SMAP1: variants seen among roughly 807,000 people sequenced by gnomAD.
SMAP1 encodes the protein stromal membrane-associated protein 1.
SMAP1 carries 24 observed loss-of-function variants against 58.5 expected under a neutral mutation model. The observed-to-expected ratio is 0.41, with a 90% CI of 0.30 to 0.58. The LOEUF is 0.58. SMAP1 is among the 20% of genes least tolerant of loss of function. The pLI is 0.29. For missense variants in SMAP1, 563 were observed against 566.3 expected, an observed-to-expected ratio of 0.99 and a Z score of 0.06; for synonymous variants, 216 against 196.6, an observed-to-expected ratio of 1.10 and a Z score of -0.82.
chr6:70,857,860 T>G (rs370022108), intron 9 of SMAP1, 62 bp from the exon 10 acceptor site: 7 of 1,557,118 alleles, frequency 4.5e-6, no homozygotes, highest in Non-Finnish European at 6.1e-6. Flanking sequence ...TCTGTGATTA[T>G]AGAGATGAGT....
At chr6:70,776,855 T>G (rs1056089837) in intron 4 of SMAP1, among the ~76,000 whole-genome samples, 3 of 152,336 alleles carry the variant, frequency 2.0e-5, no homozygotes, top group Middle Eastern at 3.4e-3. Flanking sequence ...TATTCCATTG[T>G]GTATATATAT....
At chr6:70,750,697 G>A (rs1766238165) in intron 2 of SMAP1, among the ~76,000 whole-genome samples, 1 of 152,092 alleles carries the variant, frequency 6.6e-6, no homozygotes, top group East Asian at 1.9e-4. Context: ...AGATTATGTG[G>A]GGAAACTAAA....
chr6:70,788,758 G>A (rs1369261190), intron 4 of SMAP1, among the ~76,000 whole-genome samples: 1 of 152,108 alleles, frequency 6.6e-6, no homozygotes, highest in Admixed American at 6.6e-5. Flanking sequence ...AGGGGGATAA[G>A]GTAGAGATGA....
At position 70,770,394 on chromosome 6, in the gene SMAP1, C is replaced by T. The variant is rs547203650; in HGVS notation, c.339-2956C>T. Among the ~76,000 whole-genome samples, 6 of 152,330 alleles carry T rather than the reference C, an allele frequency of 3.9e-5. No homozygotes were observed. The East Asian group carries it at 9.6e-4, about 24-fold the overall frequency. ...GTCACTTTCAGGTAGATCAATCAGA[C>T]ATAGATTTCGTCTTTTCACATAGTC... On this transcript the variant is annotated intron_variant, in intron 3 of 10. Transcript: ENST00000370455.
At chr6:70,784,563 A>G (rs1212189599) in intron 4 of SMAP1, among the ~76,000 whole-genome samples, 2 of 152,206 alleles carry the variant, frequency 1.3e-5, no homozygotes, top group East Asian at 1.9e-4. Flanking sequence ...AACCCATCTC[A>G]CATGCAGAGA....
intron 6 of SMAP1, among the ~76,000 whole-genome samples, chr6:70,827,961 G>T (rs1770203825): frequency 6.6e-6 from 1 of 152,066 alleles, no homozygotes; most frequent in Non-Finnish European, 1.5e-5. Context: ...ATATTATAAA[G>T]AATGGTAAAC....
At chr6:70,754,781 G>A (rs1039403587) in intron 2 of SMAP1, among the ~76,000 whole-genome samples, 199 bp from the exon 3 acceptor site, 6 of 152,038 alleles carry the variant, frequency 3.9e-5, no homozygotes, top group African/African-American at 1.4e-4. Flanking sequence ...GTTGATAAAT[G>A]TGAAGGATTA....
intron 2 of SMAP1, among the ~76,000 whole-genome samples, chr6:70,750,756 G>A (rs1766240770): frequency 6.6e-6 from 1 of 152,120 alleles, no homozygotes; most frequent in Non-Finnish European, 1.5e-5. Flanking sequence ...TAATAGTAAG[G>A]TTTAGGATTC....
intron 4 of SMAP1, among the ~76,000 whole-genome samples, chr6:70,788,409 C>G (rs1006004846): frequency 2.6e-5 from 4 of 151,618 alleles, no homozygotes; most frequent in African/African-American, 9.7e-5. Flanking sequence ...ATGTAACAAA[C>G]CTGCACATTG....
chr6:70,677,788 G>A (rs911574377), intron 1 of SMAP1, among the ~76,000 whole-genome samples: 1 of 152,042 alleles, frequency 6.6e-6, no homozygotes, highest in Non-Finnish European at 1.5e-5. Flanking sequence ...AATTTACCTA[G>A]TATTATCTTT....
intron 1 of SMAP1, among the ~76,000 whole-genome samples, chr6:70,691,730 A>G (rs572364320): frequency 1.3e-5 from 2 of 152,274 alleles, no homozygotes; most frequent in South Asian, 2.1e-4. Context: ...TCTGTGCCTG[A>G]CATTTCACTT....
intron 9 of SMAP1, 126 bp downstream of exon 9, chr6:70,857,156 T>TACA: frequency 1.0e-6 from 1 of 954,252 alleles, no homozygotes; most frequent in Non-Finnish European, 1.4e-6. Context: ...TTGCAGTTTA[T>TACA]ACAACTATGA....
chr6:70,837,024 A>G lies in SMAP1; in HGVS notation c.660A>G (p.Gly220=). The part of the protein sequence containing the change: ...KAAEPTVDLL[G]LDGPAVAPVT... ...CGGAGCCCACTGTGGATCTTTTAGG[A>G]CTTGGTAAGTAATAAAAAATAAAAG... Residue 220 remains glycine (G), a synonymous_variant, in exon 7 of 11, where the codon GGA becomes GGG. Coordinates refer to ENST00000370455, the MANE Select transcript of SMAP1 (RefSeq NM_001044305.3). 6.3e-7 allele frequency: 1 copy of G among 1,578,942 alleles called. No individual in the cohort carries two copies. Among genetic ancestry groups the G allele is most frequent in the Non-Finnish European group, 8.6e-7 (1 of 1,165,276 alleles).
chr6:70,696,413 G>A (rs1049350956), intron 1 of SMAP1, among the ~76,000 whole-genome samples: 5 of 151,976 alleles, frequency 3.3e-5, no homozygotes, highest in African/African-American at 1.2e-4. Flanking sequence ...TACTGCTTTT[G>A]TCTTATCCTA....
intron 9 of SMAP1, chr6:70,857,621 A>G: frequency 3.0e-6 from 1 of 330,416 alleles, no homozygotes; most frequent in South Asian, 3.9e-5. Flanking sequence ...GCAATAAAAC[A>G]GTGTATGATG....
intron 1 of SMAP1, among the ~76,000 whole-genome samples, chr6:70,722,090 T>G (rs980000974): frequency 9.9e-5 from 15 of 152,248 alleles, no homozygotes; most frequent in Non-Finnish European, 1.5e-4. Context: ...GTCACAATAA[T>G]GTCAGGGACA....
At position 70,837,926 on chromosome 6, in the gene SMAP1, T is replaced by A; in HGVS notation, c.664+898T>A. On this transcript the variant is annotated intron_variant, in intron 7 of 10. Transcript: ENST00000370455. ...TTTTAAGAATTATAGCTGAATGTTT[T>A]ATTCATTTCTTAGGAAGCTGGTACA... 1.7e-6 allele frequency: 2 copies of A among 1,146,366 alleles called. 1 individual carries two copies. Among genetic ancestry groups the A allele is most frequent in the South Asian group, 3.8e-5 (2 of 52,098 alleles). The allele number at this position is 1,146,366 out of a possible 1,614,324, so 71.0% of individuals were successfully genotyped here. A position where few individuals can be genotyped will look rare whatever the true frequency, so the allele number is the denominator to read the frequency against.
chr6:70,854,058 C>T (rs1771298442), intron 8 of SMAP1, among the ~76,000 whole-genome samples: 2 of 152,170 alleles, frequency 1.3e-5, no homozygotes, highest in Admixed American at 1.3e-4. Context: ...TAGAACAATG[C>T]AGACTTCGTT....
intron 2 of SMAP1, among the ~76,000 whole-genome samples, chr6:70,747,638 G>A (rs1272610337): frequency 6.6e-6 from 1 of 152,184 alleles, no homozygotes; most frequent in Non-Finnish European, 1.5e-5. Context: ...AGAGGGGAGA[G>A]TCCAGGATGA....
Sources: gnomAD v4.1 joint callset for allele counts (sites outside exome capture counted in the v4.1 genomes callset) on GRCh38, gnomAD v4.1.1 for gene constraint, MANE v1.5 for transcripts, NCBI Gene and HGNC (gene_info 2026-07-23, HGNC 2026-07-21) for gene names.